Variants in ZNF581 observed in about 807,000 individuals in gnomAD.
The protein encoded by ZNF581 is zinc finger protein 581.
In ZNF581, 1 loss-of-function variant was observed where a neutral mutation model predicts 1.2. That is an observed-to-expected ratio of 0.83 (90% CI 0.30 to 3.95). ZNF581 has a LOEUF of 3.95. Ranked by LOEUF, ZNF581 falls within the 30% of genes most tolerant of loss-of-function variation. The pLI, the probability that ZNF581 is intolerant of heterozygous loss-of-function variation, is 0.18. For synonymous variants in ZNF581, 105 were observed against 109.2 expected, an observed-to-expected ratio of 0.96 and a Z score of 0.24; for missense variants, 273 against 274.6, an observed-to-expected ratio of 0.99 and a Z score of 0.04.
At chr19:55,642,589 C>A (rs781537900), upstream of ZNF581, 18 of 1,451,844 alleles carry the variant, frequency 1.2e-5, no homozygotes, top group South Asian at 2.6e-4. Flanking sequence ...CCAAGGCTCC[C>A]CCTTTCCCCA....
upstream of ZNF581, chr19:55,642,391 C>G: frequency 7.6e-7 from 1 of 1,315,700 alleles, no homozygotes; most frequent in South Asian, 2.4e-5. Context: ...TAGTCAGTGG[C>G]GCACAAAGGG....
At position 55,635,790 on chromosome 19, in the gene ZNF581, T is replaced by C. The variant is rs112082773; in HGVS notation, c.-20+78T>C. ...CTTTCATGGCAGGCTGAGGGGGTTA[T>C]ACTATAGGGAGGATTTTAAAAAGAG... On this transcript the variant is annotated intron_variant, in intron 1 of 1. Transcript: ENST00000587252. 1.0e-5 allele frequency: 9 copies of C among 897,892 alleles called. No individual in the cohort carries two copies. In the African/African-American group the frequency reaches 1.3e-4, roughly 13 times the overall value. 55.6% of individuals were successfully genotyped at this position (897,892 alleles called of 1,614,324 possible).
At chr19:55,639,318 C>G (rs532998593), upstream of ZNF581, among the ~76,000 whole-genome samples, 13 of 152,272 alleles carry the variant, frequency 8.5e-5, no homozygotes, top group South Asian at 2.7e-3. Flanking sequence ...TGTGGTGGCC[C>G]ACGCCTGTAG....
chr19:55,641,544 G>T (rs1298956717), upstream of ZNF581, among the ~76,000 whole-genome samples: 1 of 152,156 alleles, frequency 6.6e-6, no homozygotes, highest in African/African-American at 2.4e-5. Flanking sequence ...AAAGAGAGAT[G>T]CCAGACGTAC....
upstream of ZNF581, among the ~76,000 whole-genome samples, chr19:55,638,193 ATGG>A (rs1318309912): frequency 3.3e-5 from 5 of 151,954 alleles, no homozygotes; most frequent in Non-Finnish European, 5.9e-5. Context: ...GGCATATCTC[ATGG>A]TGGGGGGAAA....
upstream of ZNF581, among the ~76,000 whole-genome samples, chr19:55,638,962 C>T (rs1000309984): frequency 4.9e-5 from 7 of 142,346 alleles, no homozygotes; most frequent in African/African-American, 1.0e-4. Context: ...CCTAGAATTG[C>T]GCCACTGCAC....
At chr19:55,635,789 A>AT (rs1235464138) in intron 1 of ZNF581, 1 of 900,914 alleles carries the variant, frequency 1.1e-6, no homozygotes, top group East Asian at 1.2e-4. Context: ...TGAGGGGGTT[A>AT]TACTATAGGG....
upstream of ZNF581, chr19:55,642,512 C>A: frequency 7.0e-7 from 1 of 1,430,444 alleles, no homozygotes. Flanking sequence ...GCTCCAGATG[C>A]TGCTGCTGCC....
upstream of ZNF581, chr19:55,635,087 G>C (rs1356388123): frequency 6.6e-6 from 1 of 152,222 alleles, no homozygotes; most frequent in Non-Finnish European, 1.5e-5. Flanking sequence ...AGGTTCAGCA[G>C]TGACGGCATT....
chr19:55,642,418 T>C, upstream of ZNF581: 2 of 1,387,708 alleles, frequency 1.4e-6, no homozygotes, highest in Non-Finnish European at 1.9e-6. Flanking sequence ...GCAGTGATAG[T>C]GGGGATGCTT....
chr19:55,642,699 C>G, upstream of ZNF581: 1 of 1,487,546 alleles, frequency 6.7e-7, no homozygotes, highest in Non-Finnish European at 8.9e-7. Context: ...GTCCCCTACA[C>G]ATACACGGTG....
At chr19:55,637,550 C>T (rs570760731), upstream of ZNF581, among the ~76,000 whole-genome samples, 1 of 151,430 alleles carries the variant, frequency 6.6e-6, no homozygotes, top group Admixed American at 6.6e-5. Context: ...AAAGACACAG[C>T]AACAAAAAAA....
chr19:55,641,989 C>A, upstream of ZNF581: 1 of 858,506 alleles, frequency 1.2e-6, no homozygotes, highest in Non-Finnish European at 1.3e-6. Flanking sequence ...GTAGTGGGGA[C>A]GGAGGGCCAG....
chr19:55,644,961 G>T lies in ZNF581; in HGVS notation c.390G>T (p.Leu130Phe). The change falls in exon 2 of 2, where the codon TTG becomes TTT. Residue 130 changes from leucine to phenylalanine, a missense_variant. Transcript: ENST00000270451. This position sits in a 1 kb window ranked among gnomAD's most constrained non-coding sequence, Gnocchi z 4.3. ...CGKAFKRASH[L>F]ARHHSIHLAG... is the part of the protein sequence containing the mutation. ...AGGCATTCAAGCGCGCCAGCCACTT[G>T]GCACGGCACCATTCCATTCACCTGG... The T allele has an allele frequency of 6.2e-7, 1 of 1,612,240 alleles. No individual in the cohort carries two copies. Among genetic ancestry groups the T allele is most frequent in the Non-Finnish European group, 8.5e-7 (1 of 1,178,580 alleles).
chr19:55,642,808 CT>C, upstream of ZNF581: 1 of 1,571,376 alleles, frequency 6.4e-7, no homozygotes. Context: ...GCGCCCGTGT[CT>C]TTGCCAGCCC....
rs1433739299 is a variant in ZNF581 at position 55,644,793 on chromosome 19, G to T, written c.222G>T (p.Glu74Asp). Reference protein sequence around the residue: ...TVLVDEESQREPGASGAPGQK... With the variant: ...TVLVDEESQRDPGASGAPGQK... Reference sequence around the variant, plus strand: ...TGGTGGACGAGGAGTCACAGAGGGAGCCAGGGGCCAGTGGGGCTCCAGGCC... The same window carrying T: ...TGGTGGACGAGGAGTCACAGAGGGATCCAGGGGCCAGTGGGGCTCCAGGCC... The change falls in exon 2 of 2, where the codon GAG becomes GAT. Residue 74 changes from glutamate (E) to aspartate (D), a missense_variant. Transcript: ENST00000270451. This position sits in a 1 kb window ranked among gnomAD's most constrained non-coding sequence, Gnocchi z 4.3. The T allele has an allele frequency of 6.2e-7, 1 of 1,613,190 alleles. No homozygotes were observed. Among genetic ancestry groups the T allele is most frequent in the East Asian group, 2.2e-5 (1 of 44,868 alleles).
At chr19:55,642,608 G>C, upstream of ZNF581, 5 of 1,447,916 alleles carry the variant, frequency 3.5e-6, no homozygotes, top group Admixed American at 2.7e-5. Context: ...CAAGGCGGAA[G>C]GCCCCTCCTC....
At position 55,644,994 on chromosome 19, in the gene ZNF581, T is replaced by C. The variant is rs750118221; in HGVS notation, c.423T>C (p.Gly141=). 64 of 1,603,244 alleles carry C rather than the reference T, an allele frequency of 4.0e-5. No homozygotes were observed. In the East Asian group the frequency reaches 1.4e-3, roughly 34 times the overall value. The change falls in exon 2 of 2, where the codon GGT becomes GGC. Residue 141 remains glycine, a synonymous_variant. Transcript: ENST00000270451. The surrounding 1 kb of genome is among the most constrained non-coding windows in gnomAD (Gnocchi z 4.3). ...ACCATTCCATTCACCTGGCGGGTGG[T>C]GGGCGGCCCCACGGCTGCCCGCTCT... ...ARHHSIHLAG[G]GRPHGCPLCP... is the part of the protein sequence containing the mutation.
At chr19:55,642,021 G>C (rs1389222736), upstream of ZNF581, 11 of 983,310 alleles carry the variant, frequency 1.1e-5, no homozygotes, top group South Asian at 4.8e-5. Context: ...GGGGGCCGGT[G>C]GGGGGGTAGG....
Sources: gnomAD v4.1 joint callset for allele counts (sites outside exome capture counted in the v4.1 genomes callset) on GRCh38, gnomAD v4.1.1 for gene constraint, Gnocchi (gnomAD v3.1) non-coding constraint, MANE v1.5 for transcripts, NCBI Gene and HGNC (gene_info 2026-07-23, HGNC 2026-07-21) for gene names.